The following ESRRG variants were observed in gnomAD, a reference collection of about 807,000 sequenced individuals.
ESRRG encodes the protein estrogen related receptor gamma.
A neutral mutation model predicts 44.0 loss-of-function variants in ESRRG; 13 were observed. That is an observed-to-expected ratio of 0.30 (90% CI 0.19 to 0.47). The LOEUF is 0.47. ESRRG is among the 20% of genes least tolerant of loss of function. The pLI is 1.00. For missense variants in ESRRG, 395 were observed against 580.6 expected (o/e 0.68, Z 3.29); for synonymous variants, 215 against 214.6 (o/e 1.00, Z -0.02).
At chr1:216,997,776 C>T (rs1331595889) in intron 1 of ESRRG, among the ~76,000 whole-genome samples, 1 of 152,134 alleles carries the variant, frequency 6.6e-6, no homozygotes, top group Non-Finnish European at 1.5e-5. Context: ...TATTCTCTTC[C>T]ACCATACAAT....
intron 1 of ESRRG, among the ~76,000 whole-genome samples, chr1:216,976,084 C>T (rs967902984): frequency 2.0e-5 from 3 of 151,992 alleles, no homozygotes; most frequent in Non-Finnish European, 4.4e-5. Flanking sequence ...ATAGAAACTT[C>T]CAATCCAAGT....
chr1:216,562,796 A>C (rs7546236), intron 5 of ESRRG, among the ~76,000 whole-genome samples: 60,556 of 151,884 alleles, frequency 0.4, 12,227 homozygotes, highest in South Asian at 0.44. Context: ...GTCTATGGAC[A>C]CTTCAACAAA....
At chr1:216,723,636 G>T (rs985113430), upstream of ESRRG, among the ~76,000 whole-genome samples, 2 of 152,158 alleles carry the variant, frequency 1.3e-5, no homozygotes, top group Admixed American at 1.3e-4. Flanking sequence ...GCTGGAAACT[G>T]AGAGTGGGCA....
intron 1 of ESRRG, among the ~76,000 whole-genome samples, chr1:216,685,645 C>A (rs1284064408): frequency 6.6e-6 from 1 of 152,178 alleles, no homozygotes; most frequent in East Asian, 1.9e-4. Context: ...CTCACAGACG[C>A]TCCAGTGATG....
chr1:217,011,207 A>G (rs1257249583), intron 1 of ESRRG, among the ~76,000 whole-genome samples: 2 of 152,216 alleles, frequency 1.3e-5, no homozygotes, highest in Non-Finnish European at 2.9e-5. Flanking sequence ...TTGCCTGACT[A>G]TCACTAAAAG....
intron 2 of ESRRG, among the ~76,000 whole-genome samples, chr1:216,838,543 G>T (rs1007119799): frequency 6.6e-6 from 1 of 152,108 alleles, no homozygotes; most frequent in East Asian, 1.9e-4. Context: ...AACTGGCCTA[G>T]ATAGGGATCA....
intron 1 of ESRRG, among the ~76,000 whole-genome samples, chr1:216,683,263 G>C (rs912892912): frequency 6.6e-6 from 1 of 152,240 alleles, no homozygotes; most frequent in South Asian, 2.1e-4. Flanking sequence ...AAAGAATTGT[G>C]AATCCTGACC....
intron 3 of ESRRG, among the ~76,000 whole-genome samples, chr1:216,620,678 T>C (rs983256781): frequency 2.0e-5 from 3 of 152,200 alleles, no homozygotes; most frequent in Non-Finnish European, 4.4e-5. Context: ...CATTTATATG[T>C]GACCCAGGAC....
intron 2 of ESRRG, among the ~76,000 whole-genome samples, chr1:216,892,368 T>C (rs542022144): frequency 6.6e-6 from 1 of 152,300 alleles, no homozygotes; most frequent in Admixed American, 6.5e-5. Context: ...TACTTCCTGA[T>C]TTTTGGTCCC....
At chr1:216,976,570 G>A (rs926707315) in intron 1 of ESRRG, among the ~76,000 whole-genome samples, 5 of 152,058 alleles carry the variant, frequency 3.3e-5, no homozygotes, top group African/African-American at 4.8e-5. Flanking sequence ...TTTTCAAAGC[G>A]ATATCCTTCA....
chr1:216,613,547 G>A (rs917765288), intron 3 of ESRRG, among the ~76,000 whole-genome samples: 33 of 152,246 alleles, frequency 2.2e-4, no homozygotes, highest in African/African-American at 6.7e-4. Flanking sequence ...ATGAGACCAC[G>A]TAAAGCCTCA....
At chr1:217,051,279 TATTATCCTGAAGAAAGCTCCAGGC>T (rs1205056052) in intron 1 of ESRRG, among the ~76,000 whole-genome samples, 15 of 149,092 alleles carry the variant, frequency 1.0e-4, no homozygotes, top group African/African-American at 3.7e-4. Context: ...TCCCTTTAGG[TATTATCCTGAAGAAAGCTCCAGGC>T]AACCTTAGGC....
At chr1:216,885,336 T>C (rs919865956) in intron 2 of ESRRG, among the ~76,000 whole-genome samples, 1 of 152,164 alleles carries the variant, frequency 6.6e-6, no homozygotes, top group Non-Finnish European at 1.5e-5. Flanking sequence ...TACAGACATA[T>C]GGATATGCCT....
At chr1:216,890,122 G>A (rs1034507012) in intron 2 of ESRRG, among the ~76,000 whole-genome samples, 1 of 151,948 alleles carries the variant, frequency 6.6e-6, no homozygotes, top group South Asian at 2.1e-4. Context: ...AAAATTAGCT[G>A]TATGTGCTGG....
intron 2 of ESRRG, among the ~76,000 whole-genome samples, chr1:216,805,586 C>T (rs1576742334): frequency 6.6e-6 from 1 of 152,040 alleles, no homozygotes; most frequent in South Asian, 2.1e-4. Flanking sequence ...TCACACTGTC[C>T]AATTTGGTCA....
At chr1:216,854,708 T>C (rs1381767061) in intron 2 of ESRRG, among the ~76,000 whole-genome samples, 1 of 152,176 alleles carries the variant, frequency 6.6e-6, no homozygotes, top group African/African-American at 2.4e-5. Flanking sequence ...AGAGCTGTGA[T>C]ATAATTGCAA....
At chr1:216,636,152 GCTGT>G (rs1354941777) in intron 3 of ESRRG, among the ~76,000 whole-genome samples, 3 of 152,168 alleles carry the variant, frequency 2.0e-5, no homozygotes, top group African/African-American at 7.2e-5. Context: ...GCAACTCAGG[GCTGT>G]CTATTAGCAA....
intron 1 of ESRRG, among the ~76,000 whole-genome samples, chr1:217,131,343 A>C (rs1216599518): frequency 1.3e-5 from 2 of 151,822 alleles, no homozygotes; most frequent in Non-Finnish European, 2.9e-5. Flanking sequence ...AAAAAAAAAA[A>C]CAGTGAGCAA....
chr1:216,584,695 A>G (rs2063438351), intron 3 of ESRRG, among the ~76,000 whole-genome samples: 1 of 152,238 alleles, frequency 6.6e-6, no homozygotes, highest in Admixed American at 6.5e-5. Flanking sequence ...GATCCTTTAT[A>G]ACTTTTCATA....
Sources: gnomAD v4.1 joint callset for allele counts (sites outside exome capture counted in the v4.1 genomes callset) on GRCh38, gnomAD v4.1.1 for gene constraint, MANE v1.5 for transcripts, NCBI Gene and HGNC (gene_info 2026-07-23, HGNC 2026-07-21) for gene names.